Variants in LRFN5 observed in about 807,000 individuals in gnomAD.
LRFN5 encodes the protein leucine-rich repeat and fibronectin type-III domain-containing protein 5.
In LRFN5, 24 loss-of-function variants were observed where a neutral mutation model predicts 45.6. The observed-to-expected ratio is 0.53, with a 90% CI of 0.38 to 0.74. LRFN5 has a LOEUF of 0.74. Among genes scored for constraint, LRFN5 ranks in the 30% least tolerant of loss-of-function variants. The pLI, the probability that LRFN5 is intolerant of heterozygous loss-of-function variation, is 0.00. For synonymous variants in LRFN5, 340 were observed against 313.8 expected (o/e 1.08, Z -0.88); for missense variants, 776 against 861.5 (o/e 0.90, Z 1.24).
At chr14:41,798,678 C>A (rs192412580) in intron 2 of LRFN5, among the ~76,000 whole-genome samples, 1 of 152,096 alleles carries the variant, frequency 6.6e-6, no homozygotes, top group African/African-American at 2.4e-5. Context: ...TTTGTAATGA[C>A]TGAATTCACT....
chr14:41,887,359 A>G lies in LRFN5; in HGVS notation c.734A>G (p.Asn245Ser), dbSNP rs1566505790. The change falls in exon 3 of 6, where the codon AAT becomes AGT. Residue 245 changes from asparagine to serine, a missense_variant. Asn to Ser is a conservative substitution (Grantham distance 46). This residue lies in a region of LRFN5 where 311 missense variants were observed against 405.1 expected (regional missense o/e 0.77). Coordinates refer to ENST00000298119, the MANE Select transcript of LRFN5 (RefSeq NM_152447.5). This position sits in a 1 kb window ranked among gnomAD's most constrained non-coding sequence, Gnocchi z 4.8. ...TTTGGTGGAAACCCCTTGCATTGCAATTGTGAATTGTTGTGGTTGAGGCGT... is the reference window on the plus strand; with the variant it reads ...TTTGGTGGAAACCCCTTGCATTGCAGTTGTGAATTGTTGTGGTTGAGGCGT... ...LSFGGNPLHC[N>S]CELLWLRRLS... 2.5e-6 allele frequency: 4 copies of G among 1,614,080 alleles called. No homozygotes were observed. The highest frequency in any genetic ancestry group is 2.7e-5 in the African/African-American group (2 of 74,936).
At chr14:41,735,255 TTTA>T (rs1475333582) in intron 1 of LRFN5, among the ~76,000 whole-genome samples, 12 of 113,242 alleles carry the variant, frequency 1.1e-4, no homozygotes, top group African/African-American at 3.3e-4. Context: ...TCCATTCACC[TTTA>T]TTTTTATTTT....
intron 1 of LRFN5, among the ~76,000 whole-genome samples, chr14:41,746,502 C>T (rs1884925629): frequency 6.6e-6 from 1 of 151,908 alleles, no homozygotes; most frequent in South Asian, 2.1e-4. Flanking sequence ...AGCAGTTAGG[C>T]AATAAAAACA....
intron 2 of LRFN5, among the ~76,000 whole-genome samples, chr14:41,791,505 G>C (rs906719800): frequency 6.6e-6 from 1 of 151,998 alleles, no homozygotes. Context: ...GATGTATTTT[G>C]TCAAAGTGGA....
chr14:41,891,587 G>C lies in LRFN5; in HGVS notation c.1723G>C (p.Gly575Arg). 5.6e-6 allele frequency: 9 copies of C among 1,614,136 alleles called. No homozygotes were observed. Among genetic ancestry groups the C allele is most frequent in the Non-Finnish European group, 7.6e-6 (9 of 1,180,024 alleles). The change falls in exon 4 of 6, where the codon GGG becomes CGG. Residue 575 changes from glycine (G) to arginine (R), a missense_variant. By Grantham distance (125) the Gly-to-Arg change is moderately radical. This residue lies in a region of LRFN5 where 465 missense variants were observed against 456.4 expected (regional missense o/e 1.02). Transcript: ENST00000298119. ...TAGCAATGTTTATTCCCAAACTAACGGGGCTCAAATACAAGGCTGTAGTGT... is the reference window on the plus strand; with the variant it reads ...TAGCAATGTTTATTCCCAAACTAACCGGGCTCAAATACAAGGCTGTAGTGT... The part of the protein sequence containing the change: ...KVSNVYSQTN[G>R]AQIQGCSVTL...
chr14:41,871,942 TA>T (rs1890034072), intron 2 of LRFN5, among the ~76,000 whole-genome samples: 4 of 152,198 alleles, frequency 2.6e-5, no homozygotes, highest in Admixed American at 2.6e-4. Flanking sequence ...AAGCTTTTTT[TA>T]ATTATTATTT....
At chr14:41,803,160 A>G (rs1887397508) in intron 2 of LRFN5, among the ~76,000 whole-genome samples, 1 of 152,180 alleles carries the variant, frequency 6.6e-6, no homozygotes, top group South Asian at 2.1e-4. Context: ...TTAATAAATC[A>G]TAGCAGGTAT....
At chr14:41,765,102 G>T (rs1885824555) in intron 1 of LRFN5, among the ~76,000 whole-genome samples, 1 of 152,122 alleles carries the variant, frequency 6.6e-6, no homozygotes, top group Non-Finnish European at 1.5e-5. Context: ...AGCACTTTGG[G>T]AGGCCGAGAC....
At chr14:41,616,170 A>G (rs1005536963) in intron 1 of LRFN5, among the ~76,000 whole-genome samples, 1 of 152,164 alleles carries the variant, frequency 6.6e-6, no homozygotes, top group Non-Finnish European at 1.5e-5. Context: ...ATGAACAACA[A>G]TGAAATGGAG....
intron 1 of LRFN5, among the ~76,000 whole-genome samples, chr14:41,646,970 G>A (rs1417823247): frequency 1.3e-5 from 2 of 152,210 alleles, no homozygotes; most frequent in Admixed American, 1.3e-4. Flanking sequence ...CAGAGAACAA[G>A]AGAGTCCTTT....
At chr14:41,823,042 C>T (rs537122352) in intron 2 of LRFN5, among the ~76,000 whole-genome samples, 47 of 151,630 alleles carry the variant, frequency 3.1e-4, no homozygotes, top group African/African-American at 8.5e-4. Flanking sequence ...ACTAGTTATG[C>T]GGGCTTCTTG....
chr14:41,754,714 C>T (rs894428463), intron 1 of LRFN5, among the ~76,000 whole-genome samples: 3 of 152,010 alleles, frequency 2.0e-5, no homozygotes, highest in East Asian at 1.9e-4. Context: ...TTCAAAAAAC[C>T]GGCTCCTGGA....
intron 5 of LRFN5, among the ~76,000 whole-genome samples, chr14:41,899,334 T>G (rs1234126806): frequency 2.6e-5 from 4 of 152,108 alleles, no homozygotes; most frequent in Non-Finnish European, 5.9e-5. Flanking sequence ...ATCCTTGACC[T>G]CCACATCCTA....
chr14:41,888,013 A>T lies in LRFN5; in HGVS notation c.1385+3A>T. The T allele has an allele frequency of 6.3e-7, 1 of 1,578,464 alleles. No homozygotes were observed. Among genetic ancestry groups the T allele is most frequent in the Non-Finnish European group, 8.6e-7 (1 of 1,163,330 alleles). Reference sequence around the variant, plus strand: ...TATGATGACACCCTTGTTTACAGGTAAGAAAAATTGAGCAAATTTGTATAC... The same window carrying T: ...TATGATGACACCCTTGTTTACAGGTTAGAAAAATTGAGCAAATTTGTATAC... On this transcript the variant is annotated splice_donor_region_variant and intron_variant, in intron 3 of 5. Transcript: ENST00000298119.
At chr14:41,625,619 A>G (rs1888303441) in intron 1 of LRFN5, among the ~76,000 whole-genome samples, 1 of 152,218 alleles carries the variant, frequency 6.6e-6, no homozygotes, top group Non-Finnish European at 1.5e-5. Context: ...GGTAAACTGT[A>G]ATTTCAAGAA....
At chr14:41,839,509 C>A (rs966535686) in intron 2 of LRFN5, among the ~76,000 whole-genome samples, 1 of 152,080 alleles carries the variant, frequency 6.6e-6, no homozygotes, top group African/African-American at 2.4e-5. Context: ...TATTGCCAGT[C>A]CTTGCAACCT....
At chr14:41,719,648 A>C (rs1883630915) in intron 1 of LRFN5, among the ~76,000 whole-genome samples, 1 of 151,926 alleles carries the variant, frequency 6.6e-6, no homozygotes, top group African/African-American at 2.4e-5. Context: ...AATATTTCTC[A>C]AATCATTTTA....
chr14:41,720,397 T>C (rs762678555), intron 1 of LRFN5, among the ~76,000 whole-genome samples: 6 of 152,072 alleles, frequency 3.9e-5, no homozygotes, highest in Non-Finnish European at 8.8e-5. Context: ...GCAATGAACA[T>C]AAGAGTAAAT....
chr14:41,734,738 C>G (rs1884352009), intron 1 of LRFN5, among the ~76,000 whole-genome samples: 2 of 151,654 alleles, frequency 1.3e-5, no homozygotes, highest in African/African-American at 4.8e-5. Context: ...CATTTGTTAT[C>G]TCTTCCTTTC....
Sources: allele counts gnomAD v4.1 joint callset (sites outside exome capture counted in the v4.1 genomes callset), GRCh38; gene constraint gnomAD v4.1.1; regional missense constraint gnomAD v4.1.1; non-coding constraint Gnocchi (gnomAD v3.1); transcripts MANE v1.5; gene names NCBI Gene and HGNC (gene_info 2026-07-23, HGNC 2026-07-21).